Variants in TRIM40 observed in about 807,000 individuals in gnomAD.
TRIM40 encodes E3 ubiquitin ligase TRIM40.
In TRIM40, 27 loss-of-function variants were observed where a neutral mutation model predicts 26.1. That is an observed-to-expected ratio of 1.04 (90% CI 0.76 to 1.43). The LOEUF is 1.43. TRIM40 is among the 40% of genes most tolerant of loss of function. The probability of loss-of-function intolerance (pLI) is 0.00; values close to 1 mark genes in which losing one functional copy is unlikely to be tolerated. For synonymous variants in TRIM40, 114 were observed against 120.0 expected, an observed-to-expected ratio of 0.95 and a Z score of 0.33; for missense variants, 289 against 307.9, an observed-to-expected ratio of 0.94 and a Z score of 0.46.
chr6:30,147,494 T>C, intron 4 of TRIM40, 26 bp from the exon 5 acceptor site: 1 of 1,613,788 alleles, frequency 6.2e-7, no homozygotes, highest in Non-Finnish European at 8.5e-7. Flanking sequence ...GAACCAATTA[T>C]GATTCTCACT....
intron 3 of TRIM40, among the ~76,000 whole-genome samples, chr6:30,146,710 C>T (rs776076635): frequency 1.1e-4 from 17 of 151,800 alleles, no homozygotes; most frequent in Non-Finnish European, 2.1e-4. Flanking sequence ...CGTGCCCGGC[C>T]GCCATAGGCC....
At chr6:30,145,795 A>G (rs1037813244) in intron 2 of TRIM40, among the ~76,000 whole-genome samples, 199 bp from the exon 3 acceptor site, 5 of 152,172 alleles carry the variant, frequency 3.3e-5, no homozygotes, top group South Asian at 2.1e-4. Context: ...ACCCATTACT[A>G]TTTCCCCCCA....
rs1581541772 is a variant in TRIM40, at chr6:30,146,011, G to A, written c.363G>A (p.Arg121=). 6.2e-7 allele frequency: 1 copy of A among 1,612,922 alleles called. No individual in the cohort carries two copies. Among genetic ancestry groups the A allele is most frequent in the Non-Finnish European group, 8.5e-7 (1 of 1,180,026 alleles). The stretch of plus-strand genomic sequence containing the variant: ...CTCTTTAGGAACGACTCAATCGCCG[G>A]AGCAGGAAGCTCAGAAAGGACATTG... ...LSHYKERLNR[R]SRKLRKDIAE... is the part of the protein sequence containing the mutation. The change falls in exon 3 of 6, where the codon CGG becomes CGA. Residue 121 remains arginine, a synonymous_variant. Transcript: ENST00000396581.
chr6:30,137,128 A>T lies in TRIM40; in HGVS notation c.92A>T (p.His31Leu), dbSNP rs1309876032. Residue 31 changes from histidine (H) to leucine (L), a missense_variant, in exon 2 of 6, where the codon CAT becomes CTT. Coordinates refer to ENST00000396581, the MANE Select transcript of TRIM40 (RefSeq NM_001286633.2). ...LKEAVSTNCG[H>L]LFCRVCLTQH... is the part of the protein sequence containing the mutation. ...GAGGCCGTGAGCACCAACTGCGGAC[A>T]TCTCTTCTGTCGAGTGTGCCTGACA... 1 of 1,613,072 alleles carries T rather than the reference A, an allele frequency of 6.2e-7. No homozygotes were observed. Among genetic ancestry groups the T allele is most frequent in the South Asian group, 1.1e-5 (1 of 91,090 alleles).
chr6:30,144,830 G>A (rs1305748509), intron 2 of TRIM40, among the ~76,000 whole-genome samples: 3 of 152,212 alleles, frequency 2.0e-5, no homozygotes, highest in Non-Finnish European at 2.9e-5. Flanking sequence ...GTGCTTTTCA[G>A]GACATGAACT....
chr6:30,147,435 G>T, intron 4 of TRIM40, 85 bp from the exon 5 acceptor site: 1 of 1,599,588 alleles, frequency 6.3e-7, no homozygotes, highest in Admixed American at 1.7e-5. Flanking sequence ...CCCCAGAGTG[G>T]CCTCCAAGAG....
intron 2 of TRIM40, among the ~76,000 whole-genome samples, chr6:30,144,015 C>G (rs1771501899): frequency 1.3e-5 from 2 of 152,086 alleles, no homozygotes; most frequent in African/African-American, 2.4e-5. Context: ...ATAAAGCACT[C>G]CTGACAGAGA....
At chr6:30,147,325 T>C in intron 4 of TRIM40, 116 bp downstream of exon 4, 1 of 1,394,752 alleles carries the variant, frequency 7.2e-7, no homozygotes, top group South Asian at 1.2e-5. Flanking sequence ...ATGTGGTGAC[T>C]TGTGGTAGAT....
chr6:30,143,622 G>A (rs918018233), intron 2 of TRIM40, among the ~76,000 whole-genome samples: 3 of 151,886 alleles, frequency 2.0e-5, no homozygotes, highest in South Asian at 2.1e-4. Context: ...ACAGGTCTTC[G>A]ACTATTTTCT....
In TRIM40 at chr6:30,147,082, G is replaced by T; in HGVS notation, c.539G>T (p.Gly180Val). Residue 180 changes from glycine (G) to valine (V), a missense_variant, in exon 4 of 6, where the codon GGC (glycine) becomes GTC (valine). Physicochemically the swap from Gly to Val is moderately radical, Grantham distance 109 (BLOSUM62 -3). Coordinates refer to ENST00000396581, the MANE Select transcript of TRIM40 (RefSeq NM_001286633.2). ...QLGALPQQWL[G>V]QLEHMPAEAA... ...GGTGCCCTCCCTCAGCAGTGGCTGG[G>T]CCAGCTGGAGCACATGCCAGCAGAA... is the stretch of plus-strand genomic sequence containing the variant. The T allele has an allele frequency of 6.2e-7, 1 of 1,614,078 alleles. No individual in the cohort carries two copies. Among genetic ancestry groups the T allele is most frequent in the Non-Finnish European group, 8.5e-7 (1 of 1,179,984 alleles).
intron 2 of TRIM40, among the ~76,000 whole-genome samples, chr6:30,141,686 T>TAGTTTTGC (rs1157527252): frequency 6.6e-6 from 1 of 152,196 alleles, no homozygotes; most frequent in Non-Finnish European, 1.5e-5. Context: ...CAAGCCTACA[T>TAGTTTTGC]AGTTTTGCAG....
Position 30,147,176 on chromosome 6 carries a change from G to C in TRIM40, c.633G>C (p.Arg211Ser). Residue 211 changes from arginine (R) to serine (S), a missense_variant, in exon 4 of 6, where the codon AGG (arginine) becomes AGC (serine). Arg to Ser is a moderately radical substitution (Grantham distance 110, BLOSUM62 -1). Coordinates refer to ENST00000396581, the MANE Select transcript of TRIM40 (RefSeq NM_001286633.2). ...GAAGCCTGGTCATTGATCTGGAAAGGACGGCCAAGGAATTAGACACCAACA... is the reference window on the plus strand; with the variant it reads ...GAAGCCTGGTCATTGATCTGGAAAGCACGGCCAAGGAATTAGACACCAACA... ...QLRSLVIDLE[R>S]TAKELDTNTL... 1 of 1,614,238 alleles carries C rather than the reference G, an allele frequency of 6.2e-7. No homozygotes were observed.
rs73426382 is a variant in TRIM40 at position 30,146,101 on chromosome 6, G to T, written c.441+12G>T. Reference sequence around the variant, plus strand: ...TGCAGGCTCTGCAGGTGGGTTTTTCGGGTTCCTGGGAAGGACTCCCTGGAG... The same window carrying T: ...TGCAGGCTCTGCAGGTGGGTTTTTCTGGTTCCTGGGAAGGACTCCCTGGAG... On this transcript the variant is annotated intron_variant, in intron 3 of 5. Transcript: ENST00000396581. 3 of 1,608,650 alleles carry T rather than the reference G, an allele frequency of 1.9e-6. No homozygotes were observed. The highest frequency in any genetic ancestry group is 2.7e-5 in the African/African-American group (2 of 74,772).
intron 3 of TRIM40, 76 bp from the exon 4 acceptor site, chr6:30,146,909 C>T (rs1263103457): frequency 2.1e-6 from 3 of 1,423,296 alleles, no homozygotes; most frequent in African/African-American, 1.4e-5. Context: ...AGCATTCCTG[C>T]TCAGACATTC....
In TRIM40 at chr6:30,147,071, G is replaced by A. The variant is rs1436434148; in HGVS notation, c.528G>A (p.Gln176=). 2.5e-6 allele frequency: 4 copies of A among 1,613,832 alleles called. No individual in the cohort carries two copies. The highest frequency in any genetic ancestry group is 3.4e-6 in the Non-Finnish European group (4 of 1,179,870). ...QTREQLGALP[Q]QWLGQLEHMP... is the part of the protein sequence containing the mutation. ...GGGAACAGCTGGGTGCCCTCCCTCAGCAGTGGCTGGGCCAGCTGGAGCACA... is the reference window on the plus strand; with the variant it reads ...GGGAACAGCTGGGTGCCCTCCCTCAACAGTGGCTGGGCCAGCTGGAGCACA... Residue 176 remains glutamine, a synonymous_variant, in exon 4 of 6, where the codon CAG becomes CAA. Coordinates refer to ENST00000396581, the MANE Select transcript of TRIM40 (RefSeq NM_001286633.2).
intron 2 of TRIM40, among the ~76,000 whole-genome samples, chr6:30,143,848 C>G (rs1158760954): frequency 6.6e-6 from 1 of 152,190 alleles, no homozygotes; most frequent in Non-Finnish European, 1.5e-5. Context: ...TATCTTCAGT[C>G]ATTCTATGCC....
At chr6:30,141,892 T>C (rs1771367847) in intron 2 of TRIM40, among the ~76,000 whole-genome samples, 1 of 152,162 alleles carries the variant, frequency 6.6e-6, no homozygotes, top group African/African-American at 2.4e-5. Flanking sequence ...ATTTGAGGTC[T>C]GAAATGTTTA....
intron 5 of TRIM40, 29 bp downstream of exon 5, chr6:30,147,571 A>G (rs1365719460): frequency 1.7e-5 from 27 of 1,614,064 alleles, no homozygotes; most frequent in African/African-American, 8.0e-5. Context: ...TCTTTCCCAC[A>G]TGTGCATATA....
intron 2 of TRIM40, among the ~76,000 whole-genome samples, chr6:30,138,888 A>C (rs1771170254): frequency 6.6e-6 from 1 of 152,248 alleles, no homozygotes. Flanking sequence ...AAGTGACTAC[A>C]GAAAGGTAGA....
Sources: gnomAD v4.1 joint callset for allele counts (sites outside exome capture counted in the v4.1 genomes callset) on GRCh38, gnomAD v4.1.1 for gene constraint, MANE v1.5 for transcripts, NCBI Gene and HGNC (gene_info 2026-07-23, HGNC 2026-07-21) for gene names.